GABRG3: variants seen among roughly 807,000 people sequenced by gnomAD.
GABRG3 encodes gamma-aminobutyric acid receptor subunit gamma-3.
GABRG3 carries 25 observed loss-of-function variants against 48.8 expected under a neutral mutation model. That is an observed-to-expected ratio of 0.51 (90% CI 0.37 to 0.72). The LOEUF (loss-of-function observed/expected upper bound fraction) is 0.72. GABRG3 is among the 30% of genes least tolerant of loss of function. GABRG3 has a pLI of 0.00. For missense variants in GABRG3, 394 were observed against 577.9 expected, an observed-to-expected ratio of 0.68 and a Z score of 3.26; for synonymous variants, 227 against 217.6, an observed-to-expected ratio of 1.04 and a Z score of -0.38.
chr15:27,350,795 G>A (rs1265103380), intron 5 of GABRG3, among the ~76,000 whole-genome samples: 3 of 152,220 alleles, frequency 2.0e-5, no homozygotes, highest in Non-Finnish European at 4.4e-5. Flanking sequence ...GGTGAGGACA[G>A]ACAGGCTTTG....
At chr15:27,032,662 A>G (rs1041931007) in intron 3 of GABRG3, among the ~76,000 whole-genome samples, 10 of 152,246 alleles carry the variant, frequency 6.6e-5, no homozygotes, top group African/African-American at 2.2e-4. Flanking sequence ...TGAGCACAGC[A>G]CTAAGCCATT....
Position 27,034,611 on chromosome 15 carries a change from AC to A in GABRG3, c.270+7791del, listed in dbSNP as rs371169699. On this transcript the variant is annotated intron_variant, in intron 3 of 9. Coordinates refer to ENST00000615808, the MANE Select transcript of GABRG3 (RefSeq NM_033223.5). ...CAAATTAAAAAAAAAATCTCCAAGA[AC>A]AAAAAAGAAGATGACACTTAAAGGC... Among the ~76,000 whole-genome samples the A allele has an allele frequency of 2.7e-4, 41 of 152,304 alleles. No individual in the cohort carries two copies. The East Asian group carries it at 7.9e-3, about 29-fold the overall frequency.
At chr15:27,355,144 T>C (rs1894793553) in intron 5 of GABRG3, among the ~76,000 whole-genome samples, 1 of 152,198 alleles carries the variant, frequency 6.6e-6, no homozygotes, top group Non-Finnish European at 1.5e-5. Flanking sequence ...TCTTAGACTG[T>C]TCATGTCTCA....
chr15:27,391,216 G>T (rs928815452), intron 5 of GABRG3, among the ~76,000 whole-genome samples: 6 of 152,062 alleles, frequency 3.9e-5, no homozygotes, highest in African/African-American at 7.2e-5. Context: ...TATTTTATAG[G>T]CTTTATTATA....
intron 5 of GABRG3, chr15:27,365,875 G>C (rs1303304804): frequency 6.6e-6 from 1 of 152,162 alleles, no homozygotes; most frequent in Non-Finnish European, 1.5e-5. Flanking sequence ...GTGAAAGACA[G>C]TAGCATCAAA....
intron 5 of GABRG3, among the ~76,000 whole-genome samples, chr15:27,462,124 C>T (rs1294404372): frequency 6.6e-6 from 1 of 152,050 alleles, no homozygotes; most frequent in East Asian, 1.9e-4. Context: ...TGATGGTTTC[C>T]TGGAGAAGTC....
rs1296232271 is a variant in GABRG3, at chr15:27,326,757, A to G, written c.271-52A>G. 12 of 1,413,620 alleles carry G rather than the reference A, an allele frequency of 8.5e-6. No homozygotes were observed. The Admixed American group carries it at 1.9e-4, about 22-fold the overall frequency. The allele number at this position is 1,413,620 out of a possible 1,614,324, so 87.6% of individuals were successfully genotyped here. A position where few individuals can be genotyped will look rare whatever the true frequency, so the allele number is the denominator to read the frequency against. ...ACGTTTGACAAAGAGAACAAATTAT[A>G]CAGAACATTTATTAATAGAACTGTC... On this transcript the variant is annotated intron_variant, in intron 3 of 9. Coordinates refer to ENST00000615808, the MANE Select transcript of GABRG3 (RefSeq NM_033223.5).
intron 5 of GABRG3, among the ~76,000 whole-genome samples, chr15:27,386,455 A>C (rs115276344): frequency 6.6e-6 from 1 of 151,850 alleles, no homozygotes; most frequent in African/African-American, 2.4e-5. Context: ...TTCCCCACTG[A>C]TATCACAGCA....
intron 5 of GABRG3, among the ~76,000 whole-genome samples, chr15:27,466,307 G>A (rs1398240992): frequency 6.6e-6 from 1 of 152,180 alleles, no homozygotes; most frequent in African/African-American, 2.4e-5. Flanking sequence ...TGGTAAATTT[G>A]TAACTGATGA....
chr15:27,391,108 C>G (rs1419773543), intron 5 of GABRG3, among the ~76,000 whole-genome samples: 1 of 151,730 alleles, frequency 6.6e-6, no homozygotes, highest in Non-Finnish European at 1.5e-5. Context: ...AAGACACAAT[C>G]CCTCAGGTTA....
At chr15:27,113,948 A>G (rs1204064078) in intron 3 of GABRG3, among the ~76,000 whole-genome samples, 1 of 152,234 alleles carries the variant, frequency 6.6e-6, no homozygotes, top group East Asian at 1.9e-4. Flanking sequence ...TGCAAAAATG[A>G]CCAACATATT....
At chr15:26,982,132 A>C (rs1347254190) in intron 2 of GABRG3, among the ~76,000 whole-genome samples, 1 of 152,214 alleles carries the variant, frequency 6.6e-6, no homozygotes, top group African/African-American at 2.4e-5. Flanking sequence ...CAGTGTTTGC[A>C]TCCTAATTAG....
Position 27,398,804 on chromosome 15 carries a change from T to C in GABRG3, c.574+69916T>C, listed in dbSNP as rs139445610. Among the ~76,000 whole-genome samples, 1,372 of 152,218 alleles carry C rather than the reference T, an allele frequency of 9.0e-3. 16 individuals carry two copies. The highest frequency in any genetic ancestry group is 0.031 in the African/African-American group (1,280 of 41,514). On this transcript the variant is annotated intron_variant, in intron 5 of 9. Coordinates refer to ENST00000615808, the MANE Select transcript of GABRG3 (RefSeq NM_033223.5). Reference sequence around the variant, plus strand: ...ACTATTTGCTTAATTTTTCCAAAGATAGAACGCAGTAGTCCTTGAACTACA... The same window carrying C: ...ACTATTTGCTTAATTTTTCCAAAGACAGAACGCAGTAGTCCTTGAACTACA...
At chr15:27,448,271 T>C in intron 5 of GABRG3, among the ~76,000 whole-genome samples, 1 of 152,186 alleles carries the variant, frequency 6.6e-6, no homozygotes, top group Non-Finnish European at 1.5e-5. Flanking sequence ...CTGAAATAAT[T>C]GTCCATCCCC....
chr15:27,183,141 C>G (rs2140417894), intron 3 of GABRG3, among the ~76,000 whole-genome samples: 1 of 151,256 alleles, frequency 6.6e-6, no homozygotes, highest in Non-Finnish European at 1.5e-5. Context: ...TCCCTATGAA[C>G]AGGCAGCGAA....
intron 3 of GABRG3, among the ~76,000 whole-genome samples, chr15:27,273,564 C>A (rs758105049): frequency 6.6e-6 from 1 of 152,136 alleles, no homozygotes; most frequent in Admixed American, 6.6e-5. Context: ...GCGCAGAAGT[C>A]GTATGAGCTA....
At chr15:27,388,018 AGGAG>A (rs1442465519) in intron 5 of GABRG3, among the ~76,000 whole-genome samples, 2 of 56,376 alleles carry the variant, frequency 3.5e-5, no homozygotes, top group African/African-American at 7.0e-5. Flanking sequence ...AAGGAAAGGG[AGGAG>A]GGAGGGAGGA....
chr15:27,198,955 T>C (rs1434615282), intron 3 of GABRG3, among the ~76,000 whole-genome samples: 1 of 150,546 alleles, frequency 6.6e-6, no homozygotes, highest in Non-Finnish European at 1.5e-5. Context: ...TGAGAACCTA[T>C]GGGCACAGAG....
At chr15:26,993,283 TAGAGATACA>T (rs1303834323) in intron 2 of GABRG3, among the ~76,000 whole-genome samples, 1 of 152,098 alleles carries the variant, frequency 6.6e-6, no homozygotes, top group African/African-American at 2.4e-5. Flanking sequence ...TCTAGTTCTT[TAGAGATACA>T]TCACTAGGTT....
Sources: allele counts gnomAD v4.1 joint callset (sites outside exome capture counted in the v4.1 genomes callset), GRCh38; gene constraint gnomAD v4.1.1; transcripts MANE v1.5; gene names NCBI Gene and HGNC (gene_info 2026-07-23, HGNC 2026-07-21).